Variants in TANC1 observed in about 807,000 individuals in gnomAD.
TANC1 encodes protein TANC1.
Under a neutral mutation model 149.7 loss-of-function variants are expected in TANC1, and 77 were observed. The ratio of observed to expected loss-of-function variants is 0.51; its 90% CI spans 0.43 to 0.62. The LOEUF is 0.62. TANC1 is among the 20% of genes least tolerant of loss of function. The probability of loss-of-function intolerance (pLI) is 0.00; values close to 1 mark genes in which losing one functional copy is unlikely to be tolerated. For missense variants in TANC1, 1,985 were observed against 2,321.8 expected (o/e 0.85, Z 2.98); for synonymous variants, 854 against 925.0 (o/e 0.92, Z 1.39).
Position 158,996,444 on chromosome 2 carries a change from G to GTATA in TANC1, c.-125-4635_-125-4632dup, listed in dbSNP as rs2036144225. Reference sequence around the variant, plus strand: ...TTAAATAAATGCCATACTTTTTGCTGTATAACTTGATATTTTTGTACACAC... The same window carrying GTATA: ...TTAAATAAATGCCATACTTTTTGCTGTATATATAACTTGATATTTTTGTACACAC... On this transcript the variant is annotated intron_variant, in intron 1 of 26. Transcript: ENST00000263635. 3.3e-5 allele frequency among the ~76,000 whole-genome samples: 5 copies of GTATA among 152,310 alleles called. No homozygotes were observed. The South Asian group carries it at 1.0e-3, about 32-fold the overall frequency.
intron 2 of TANC1, among the ~76,000 whole-genome samples, chr2:159,010,495 C>A (rs1366121986): frequency 6.6e-6 from 1 of 152,162 alleles, no homozygotes. Flanking sequence ...AACTTGCCCT[C>A]CTCACTCTTG....
At position 159,155,502 on chromosome 2, in the gene TANC1, C is replaced by T. The variant is rs372641043; in HGVS notation, c.682+4946C>T. Reference sequence around the variant, plus strand: ...AGGACAGTTCCATGAAGGGAGGGGACCCTGAGGGAACAGTGGCTGCCTCTC... The same window carrying T: ...AGGACAGTTCCATGAAGGGAGGGGATCCTGAGGGAACAGTGGCTGCCTCTC... On this transcript the variant is annotated intron_variant, in intron 7 of 26. Transcript: ENST00000263635. Among the ~76,000 whole-genome samples, 24 of 152,304 alleles carry T rather than the reference C, an allele frequency of 1.6e-4. No individual in the cohort carries two copies. In the East Asian group the frequency reaches 4.4e-3, roughly 28 times the overall value.
chr2:159,047,791 G>A (rs150563629), intron 2 of TANC1, among the ~76,000 whole-genome samples: 3 of 152,200 alleles, frequency 2.0e-5, no homozygotes, highest in Non-Finnish European at 4.4e-5. Flanking sequence ...TGAAGGGCAT[G>A]CATCCTCAAC....
In TANC1 at chr2:159,162,360, G is replaced by T. The variant is rs2054125639; in HGVS notation, c.683-923G>T. ...AATCCAGATAGGGAAAGAGGCATCG[G>T]TGGACATGGCCCCTGTTCTCAAGGA... On this transcript the variant is annotated intron_variant, in intron 7 of 26. Transcript: ENST00000263635. Among the ~76,000 whole-genome samples the T allele has an allele frequency of 2.0e-5, 3 of 152,106 alleles. No individual in the cohort carries two copies. In the South Asian group the frequency reaches 6.2e-4, roughly 32 times the overall value.
At chr2:159,124,815 C>G (rs370296089) in intron 4 of TANC1, among the ~76,000 whole-genome samples, 63 of 151,852 alleles carry the variant, frequency 4.1e-4, no homozygotes, top group African/African-American at 1.5e-3. Flanking sequence ...GCATGACTCA[C>G]TGCAGCCTCG....
intron 2 of TANC1, among the ~76,000 whole-genome samples, chr2:159,016,561 C>G (rs1484714217): frequency 1.3e-5 from 2 of 151,680 alleles, no homozygotes; most frequent in Non-Finnish European, 2.9e-5. Flanking sequence ...AGTTTATATG[C>G]AGCTTGGTCA....
At chr2:159,201,770 G>A (rs1308165803) in intron 19 of TANC1, among the ~76,000 whole-genome samples, 1 of 152,220 alleles carries the variant, frequency 6.6e-6, no homozygotes, top group Admixed American at 6.5e-5. Flanking sequence ...GAAACCTTAA[G>A]TATGTTTACA....
At chr2:159,106,053 C>G (rs2047148457) in intron 4 of TANC1, among the ~76,000 whole-genome samples, 1 of 151,616 alleles carries the variant, frequency 6.6e-6, no homozygotes, top group Non-Finnish European at 1.5e-5. Context: ...TTCATTTTCT[C>G]CAGTCAAATT....
chr2:159,208,544 A>G (rs551509517), intron 19 of TANC1, among the ~76,000 whole-genome samples: 1 of 152,322 alleles, frequency 6.6e-6, no homozygotes, highest in South Asian at 2.1e-4. Context: ...TCTGCCCTGT[A>G]TTCACCTCTG....
Position 159,219,746 on chromosome 2 carries a change from G to C in TANC1, c.3557G>C (p.Cys1186Ser), listed in dbSNP as rs767323911. 3.2e-5 allele frequency: 52 copies of C among 1,614,132 alleles called. 1 individual carries two copies. The highest frequency in any genetic ancestry group is 3.2e-4 in the South Asian group (29 of 91,088). ...KEGLSALSWA[C>S]LKGHRAVVQY... ...GGTCTGTCAGCATTAAGCTGGGCTT[G>C]TCTGAAAGGTCACAGGGCAGTGGTC... is the stretch of plus-strand genomic sequence containing the variant. The change falls in exon 22 of 27, where the codon TGT (cysteine) becomes TCT (serine). Residue 1186 changes from cysteine (C) to serine (S), a missense_variant. Around this residue, in one of 3 missense-constraint regions of TANC1, gnomAD observed 920 missense variants for 994.7 expected, o/e 0.92. Transcript: ENST00000263635.
intron 2 of TANC1, among the ~76,000 whole-genome samples, chr2:159,064,753 C>T (rs964129817): frequency 6.6e-6 from 1 of 152,170 alleles, no homozygotes; most frequent in African/African-American, 2.4e-5. Context: ...CCCTTCTCAA[C>T]GGGTGCCACA....
At chr2:159,131,859 A>G (rs2050144573) in intron 4 of TANC1, among the ~76,000 whole-genome samples, 1 of 152,244 alleles carries the variant, frequency 6.6e-6, no homozygotes, top group Non-Finnish European at 1.5e-5. Context: ...AGGATCATGC[A>G]GGAGAACAGT....
Position 158,992,565 on chromosome 2 carries a change from C to T in TANC1, c.-125-8515C>T, listed in dbSNP as rs185069734. ...TCGCCCAGGCTGGAGTGTAGTGGCG[C>T]GATCTTGGCTCACTACAAGTTCTGC... On this transcript the variant is annotated intron_variant, in intron 1 of 26. Transcript: ENST00000263635. Among the ~76,000 whole-genome samples the T allele has an allele frequency of 5.3e-3, 805 of 151,964 alleles. 4 individuals carry two copies. The highest frequency in any genetic ancestry group is 7.9e-3 in the Non-Finnish European group (535 of 67,962).
chr2:159,076,510 G>A (rs1048629202), intron 3 of TANC1, among the ~76,000 whole-genome samples: 18 of 152,302 alleles, frequency 1.2e-4, no homozygotes, highest in African/African-American at 4.3e-4. Context: ...ACCCAGATGT[G>A]CTGGAAGCCT....
At chr2:159,060,130 C>A in intron 2 of TANC1, 1 of 963,718 alleles carries the variant, frequency 1.0e-6, no homozygotes, top group Non-Finnish European at 1.2e-6. Flanking sequence ...AGACTAACTA[C>A]GTTTTAAGAA....
intron 7 of TANC1, among the ~76,000 whole-genome samples, chr2:159,155,888 G>A (rs1374976629): frequency 1.3e-5 from 2 of 151,952 alleles, no homozygotes; most frequent in Non-Finnish European, 2.9e-5. Context: ...AGTTGCTTAG[G>A]ATGTTTAAAA....
intron 2 of TANC1, among the ~76,000 whole-genome samples, chr2:159,006,966 T>TA (rs1009356304): frequency 2.1e-4 from 32 of 152,164 alleles, no homozygotes; most frequent in African/African-American, 7.7e-4. Flanking sequence ...AGGGGAAAAA[T>TA]ATAGTTCTTA....
At chr2:159,117,082 A>G (rs2048338586) in intron 4 of TANC1, among the ~76,000 whole-genome samples, 1 of 152,212 alleles carries the variant, frequency 6.6e-6, no homozygotes, top group African/African-American at 2.4e-5. Context: ...CCTTCAGTGA[A>G]GCAGTGTTTG....
At chr2:158,983,938 A>G (rs1447588035) in intron 1 of TANC1, among the ~76,000 whole-genome samples, 1 of 152,224 alleles carries the variant, frequency 6.6e-6, no homozygotes, top group Non-Finnish European at 1.5e-5. Flanking sequence ...TGGTCCTTGC[A>G]TTCTTGCCAT....
Sources: gnomAD v4.1 joint callset for allele counts (sites outside exome capture counted in the v4.1 genomes callset) on GRCh38, gnomAD v4.1.1 for gene constraint, gnomAD v4.1.1 regional missense constraint, MANE v1.5 for transcripts, NCBI Gene and HGNC (gene_info 2026-07-23, HGNC 2026-07-21) for gene names.